MYO16: variants seen among roughly 807,000 people sequenced by gnomAD.
MYO16 encodes myosin XVI.
A neutral mutation model predicts 205.3 loss-of-function variants in MYO16; 94 were observed. That is an observed-to-expected ratio of 0.46 (90% CI 0.39 to 0.54). MYO16 has a LOEUF of 0.54. Among genes scored for constraint, MYO16 ranks in the 20% least tolerant of loss-of-function variants. The pLI is 0.00. For missense variants in MYO16, 2,315 were observed against 2,387.5 expected, an observed-to-expected ratio of 0.97 and a Z score of 0.63; for synonymous variants, 988 against 954.0, an observed-to-expected ratio of 1.04 and a Z score of -0.66.
chr13:108,939,058 C>T (rs1359162031), intron 16 of MYO16, among the ~76,000 whole-genome samples: 1 of 152,216 alleles, frequency 6.6e-6, no homozygotes, highest in Non-Finnish European at 1.5e-5. Context: ...GCTGTGGAGG[C>T]CTTTACCCCA....
intron 1 of MYO16, among the ~76,000 whole-genome samples, chr13:108,609,740 C>G (rs1167246388): frequency 3.9e-5 from 6 of 152,112 alleles, no homozygotes; most frequent in Admixed American, 3.3e-4. Flanking sequence ...CTGAATCCGA[C>G]ACTAATCCTT....
Position 108,775,236 on chromosome 13 carries a change from A to G in MYO16, c.508-10399A>G, listed in dbSNP as rs576344712. 4.9e-4 allele frequency among the ~76,000 whole-genome samples: 74 copies of G among 152,284 alleles called. 1 individual carries two copies. The South Asian group carries it at 9.1e-3, about 19-fold the overall frequency. On this transcript the variant is annotated intron_variant, in intron 4 of 34. Coordinates refer to ENST00000457511, the MANE Select transcript of MYO16 (RefSeq NM_001198950.3). The stretch of plus-strand genomic sequence containing the variant: ...TCAATATGGACAGTGATTCAGAATC[A>G]TTTTTCTCTCAGTTTTTTTATTCAC...
rs138122020 is a variant in MYO16, at chr13:108,747,624, C to T, written c.507+20041C>T. Among the ~76,000 whole-genome samples the T allele has an allele frequency of 6.6e-5, 10 of 152,060 alleles. No homozygotes were observed. The East Asian group carries it at 1.2e-3, about 18-fold the overall frequency. On this transcript the variant is annotated intron_variant, in intron 4 of 34. Transcript: ENST00000457511. Reference sequence around the variant, plus strand: ...GCAAAAGAAGAAGAGAAAATAGAAACGAAGAGCAAATGTAATACATGGAAA... The same window carrying T: ...GCAAAAGAAGAAGAGAAAATAGAAATGAAGAGCAAATGTAATACATGGAAA...
chr13:108,757,551 C>T (rs147650438), intron 4 of MYO16, among the ~76,000 whole-genome samples: 90 of 152,078 alleles, frequency 5.9e-4, no homozygotes, highest in African/African-American at 2.0e-3. Context: ...CATATGTATA[C>T]ATGTGCCATG....
the MYO16 span, among the ~76,000 whole-genome samples, chr13:108,527,121 C>A: frequency 3.3e-5 from 5 of 152,262 alleles, no homozygotes; most frequent in African/African-American, 9.6e-5. Context: ...TTCATAACTC[C>A]AAGTGAACAA....
At chr13:109,073,201 A>G (rs540275726) in intron 27 of MYO16, among the ~76,000 whole-genome samples, 1 of 151,538 alleles carries the variant, frequency 6.6e-6, no homozygotes, top group East Asian at 1.9e-4. Flanking sequence ...TCCTGGGTTC[A>G]AGCGATTCTC....
At chr13:108,530,926 G>A in the MYO16 span, among the ~76,000 whole-genome samples, 2 of 151,652 alleles carry the variant, frequency 1.3e-5, no homozygotes, top group Non-Finnish European at 2.9e-5. Flanking sequence ...TCTTGCGTTT[G>A]TTTATGGTTT....
intron 6 of MYO16, among the ~76,000 whole-genome samples, chr13:108,801,366 ATTGG>A (rs1886964308): frequency 1.3e-5 from 2 of 152,224 alleles, no homozygotes; most frequent in South Asian, 4.1e-4. Context: ...CTGTAGGTGA[ATTGG>A]TACATTCTAG....
intron 25 of MYO16, 92 bp downstream of exon 25, chr13:109,052,567 C>A: frequency 3.3e-6 from 3 of 915,996 alleles, no homozygotes; most frequent in Non-Finnish European, 4.9e-6. Flanking sequence ...ATTTTAAATA[C>A]CAAGGAAATA....
the MYO16 span, among the ~76,000 whole-genome samples, chr13:108,506,577 T>C: frequency 6.6e-6 from 1 of 152,158 alleles, no homozygotes; most frequent in Middle Eastern, 3.2e-3. Context: ...TGTGTATGTG[T>C]GTGTGTGTGT....
At chr13:108,755,583 T>C (rs927459172) in intron 4 of MYO16, among the ~76,000 whole-genome samples, 1 of 151,794 alleles carries the variant, frequency 6.6e-6, no homozygotes, top group Non-Finnish European at 1.5e-5. Flanking sequence ...GCATAGATCC[T>C]AAAAAATATA....
intron 34 of MYO16, among the ~76,000 whole-genome samples, chr13:109,196,194 G>C (rs1433261811): frequency 6.6e-6 from 1 of 152,114 alleles, no homozygotes; most frequent in Non-Finnish European, 1.5e-5. Context: ...TTACAGTAAA[G>C]TACAGAAATG....
At chr13:108,889,974 C>A (rs1289365459) in intron 14 of MYO16, among the ~76,000 whole-genome samples, 1 of 152,184 alleles carries the variant, frequency 6.6e-6, no homozygotes, top group African/African-American at 2.4e-5. Context: ...CTCTGTCACA[C>A]AGGCTGGAGT....
At chr13:108,926,496 G>A (rs1882011836) in intron 16 of MYO16, among the ~76,000 whole-genome samples, 1 of 152,232 alleles carries the variant, frequency 6.6e-6, no homozygotes, top group East Asian at 1.9e-4. Context: ...ACTCAAGGAG[G>A]CATCGTGCTC....
chr13:109,039,471 C>G (rs1481721729), intron 23 of MYO16, among the ~76,000 whole-genome samples: 1 of 152,092 alleles, frequency 6.6e-6, no homozygotes, highest in Non-Finnish European at 1.5e-5. Context: ...TAAGCAAACT[C>G]AAAAGAATTG....
chr13:109,046,160 C>T (rs753382857), intron 23 of MYO16, among the ~76,000 whole-genome samples: 5 of 152,144 alleles, frequency 3.3e-5, no homozygotes, highest in East Asian at 1.9e-4. Flanking sequence ...TATCCACTAC[C>T]GGTCCACACT....
chr13:109,092,116 C>A (rs994662573), intron 27 of MYO16, among the ~76,000 whole-genome samples: 1 of 152,048 alleles, frequency 6.6e-6, no homozygotes, highest in African/African-American at 2.4e-5. Context: ...ACTGAAACAA[C>A]ATAAGTTTTA....
chr13:108,909,748 G>A lies in MYO16; in HGVS notation c.1778-255G>A, dbSNP rs573749017. Among the ~76,000 whole-genome samples the A allele has an allele frequency of 6.6e-5, 10 of 152,202 alleles. No individual in the cohort carries two copies. In the South Asian group the frequency reaches 2.1e-3, roughly 31 times the overall value. On this transcript the variant is annotated intron_variant, in intron 15 of 34. Transcript: ENST00000457511. ...TTTGTTACAGACAAGAGCAAATCTT[G>A]TTTCAAATTACATTTGTGCACCAAG...
chr13:108,997,866 C>A (rs77613389), intron 21 of MYO16, among the ~76,000 whole-genome samples: 2 of 152,080 alleles, frequency 1.3e-5, no homozygotes, highest in African/African-American at 2.4e-5. Flanking sequence ...AATTGTGATA[C>A]GTAATTTATC....
Sources: allele counts gnomAD v4.1 joint callset (sites outside exome capture counted in the v4.1 genomes callset), GRCh38; gene constraint gnomAD v4.1.1; transcripts MANE v1.5; gene names NCBI Gene and HGNC (gene_info 2026-07-23, HGNC 2026-07-21).